Variants in MCM2 observed in about 807,000 individuals in gnomAD.
The protein encoded by MCM2 is minichromosome maintenance complex component 2.
In MCM2, 49 loss-of-function variants were observed where a neutral mutation model predicts 86.4. That is an observed-to-expected ratio of 0.57 (90% CI 0.45 to 0.72). MCM2 has a LOEUF of 0.72. Ranked by LOEUF, MCM2 falls within the 30% of genes least tolerant of loss-of-function variation. The pLI is 0.00. For missense variants in MCM2, 1,038 were observed against 1,259.9 expected (o/e 0.82, Z 2.67); for synonymous variants, 475 against 484.6 (o/e 0.98, Z 0.26).
chr3:127,607,664 G>A (rs1559863068), intron 6 of MCM2, among the ~76,000 whole-genome samples: 1 of 152,218 alleles, frequency 6.6e-6, no homozygotes, highest in African/African-American at 2.4e-5. Flanking sequence ...CCTGGTAGAG[G>A]GTTAACAGTT....
At chr3:127,612,239 G>A (rs151308475) in intron 8 of MCM2, among the ~76,000 whole-genome samples, 70 of 152,314 alleles carry the variant, frequency 4.6e-4, no homozygotes, top group African/African-American at 1.6e-3. Flanking sequence ...CCTGCCTTCC[G>A]TGGGCCCTGG....
intron 2 of MCM2, among the ~76,000 whole-genome samples, chr3:127,603,246 G>A (rs985209700): frequency 3.9e-5 from 6 of 152,054 alleles, no homozygotes; most frequent in Admixed American, 1.3e-4. Context: ...TGATCCGCCC[G>A]CCTCAGCCTC....
chr3:127,608,966 C>T lies in MCM2; in HGVS notation c.1371C>T (p.Thr457=), dbSNP rs142512970. Residue 457 remains threonine, a synonymous_variant, in exon 8 of 16, where the codon ACC becomes ACT. Coordinates refer to ENST00000265056, the MANE Select transcript of MCM2 (RefSeq NM_004526.4). ...KDNKVAVGEL[T]DEDVKMITSL... ...ACAAGGTTGCTGTAGGGGAACTGAC[C>T]GATGAAGATGTGAAGATGATCACTA... 59 of 1,613,956 alleles carry T rather than the reference C, an allele frequency of 3.7e-5. No individual in the cohort carries two copies. Among genetic ancestry groups the T allele is most frequent in the South Asian group, 9.9e-5 (9 of 91,076 alleles).
Position 127,619,190 on chromosome 3 carries a change from A to T in MCM2, c.2177A>T (p.Tyr726Phe). The change falls in exon 13 of 16, where the codon TAC (tyrosine) becomes TTC (phenylalanine). Residue 726 changes from tyrosine to phenylalanine, a missense_variant. Tyr to Phe is a conservative substitution (Grantham distance 22). Around this residue, in one of 4 missense-constraint regions of MCM2, gnomAD observed 336 missense variants for 425.7 expected, o/e 0.79. Coordinates refer to ENST00000265056, the MANE Select transcript of MCM2 (RefSeq NM_004526.4). ...PQEVLKKYII[Y>F]AKERVHPKLN... ...GAGGTCCTGAAGAAGTACATCATCT[A>T]CGCCAAGGAGAGGGTCCACCCGAAG... 4 of 1,614,170 alleles carry T rather than the reference A, an allele frequency of 2.5e-6. No individual in the cohort carries two copies. The highest frequency in any genetic ancestry group is 3.4e-6 in the Non-Finnish European group (4 of 1,180,038).
chr3:127,615,840 T>C lies in MCM2; in HGVS notation c.1429-22T>C, dbSNP rs747635370. ...CTGTGAGTATCTGTTCCCATTCTTGTCGGTCTCCCTCCCTTTCTCAGATCT... is the reference window on the plus strand; with the variant it reads ...CTGTGAGTATCTGTTCCCATTCTTGCCGGTCTCCCTCCCTTTCTCAGATCT... On this transcript the variant is annotated intron_variant, in intron 8 of 15. Coordinates refer to ENST00000265056, the MANE Select transcript of MCM2 (RefSeq NM_004526.4). The C allele has an allele frequency of 4.5e-6, 7 of 1,573,002 alleles. No homozygotes were observed. In the South Asian group the frequency reaches 5.5e-5, roughly 12 times the overall value.
At chr3:127,612,841 G>C (rs576511002) in intron 8 of MCM2, among the ~76,000 whole-genome samples, 1 of 152,164 alleles carries the variant, frequency 6.6e-6, no homozygotes, top group Non-Finnish European at 1.5e-5. Context: ...ATCTGGGGTC[G>C]AGTCTTGCCT....
rs769205577 is a variant in MCM2 at position 127,606,352 on chromosome 3, G to A, written c.893+15G>A. ...CGCTCGCTGAGGTGAGCTGAGGGCA[G>A]GTGAGGATGGCAGGTCCGAGCTCAG... is the stretch of plus-strand genomic sequence containing the variant. On this transcript the variant is annotated intron_variant, in intron 5 of 15. Transcript: ENST00000265056. This position sits in a 1 kb window ranked among gnomAD's most constrained non-coding sequence, Gnocchi z 4.2. 18 of 1,613,320 alleles carry A rather than the reference G, an allele frequency of 1.1e-5. No individual in the cohort carries two copies. Among genetic ancestry groups the A allele is most frequent in the Middle Eastern group, 1.7e-4 (1 of 6,026 alleles).
chr3:127,603,811 G>A (rs1559861131), intron 2 of MCM2, among the ~76,000 whole-genome samples: 2 of 152,130 alleles, frequency 1.3e-5, no homozygotes, highest in Non-Finnish European at 1.5e-5. Flanking sequence ...AGAGGCACAT[G>A]ACACTACGCC....
Position 127,606,546 on chromosome 3 carries a change from A to G in MCM2, c.894-64A>G, listed in dbSNP as rs1576413924. On this transcript the variant is annotated intron_variant, in intron 5 of 15. Transcript: ENST00000265056. The surrounding 1 kb of genome is among the most constrained non-coding windows in gnomAD (Gnocchi z 4.2). Reference sequence around the variant, plus strand: ...AATTTCCAGGACAGTGTGTTGGGACACTCTCGTCTGCAGCCTGGCCTCACC... The same window carrying G: ...AATTTCCAGGACAGTGTGTTGGGACGCTCTCGTCTGCAGCCTGGCCTCACC... 6 of 1,473,524 alleles carry G rather than the reference A, an allele frequency of 4.1e-6. No individual in the cohort carries two copies. Among genetic ancestry groups the G allele is most frequent in the Non-Finnish European group, 5.7e-6 (6 of 1,057,854 alleles). The allele number at this position is 1,473,524 out of a possible 1,614,324, so 91.3% of individuals were successfully genotyped here. A position where few individuals can be genotyped will look rare whatever the true frequency, so the allele number is the denominator to read the frequency against.
chr3:127,598,614 T>C (rs2074276355), intron 1 of MCM2, 142 bp downstream of exon 1: 3 of 1,198,476 alleles, frequency 2.5e-6, no homozygotes, highest in Non-Finnish European at 3.4e-6. Context: ...CTTTCTCGCC[T>C]GCACCCTGCG....
intron 2 of MCM2, among the ~76,000 whole-genome samples, chr3:127,602,805 G>A (rs1576411664): frequency 6.6e-6 from 1 of 152,214 alleles, no homozygotes; most frequent in Non-Finnish European, 1.5e-5. Context: ...CAGGACATCA[G>A]GTTGTTGAAG....
intron 6 of MCM2, 31 bp from the exon 7 acceptor site, chr3:127,608,351 T>G: frequency 6.2e-7 from 1 of 1,609,812 alleles, no homozygotes; most frequent in Non-Finnish European, 8.5e-7. Context: ...AGTAAGTCAG[T>G]GATTTGAGGC....
chr3:127,613,915 A>G (rs955637778), intron 8 of MCM2, among the ~76,000 whole-genome samples: 2 of 152,248 alleles, frequency 1.3e-5, no homozygotes, highest in African/African-American at 4.8e-5. Context: ...TTAAAGAGAC[A>G]GAGTGAGAGC....
intron 2 of MCM2, among the ~76,000 whole-genome samples, chr3:127,600,679 G>T (rs191734370): frequency 1.3e-5 from 2 of 152,030 alleles, no homozygotes; most frequent in African/African-American, 4.8e-5. Context: ...TCAGGGCATG[G>T]GTCCTAGACG....
Position 127,617,554 on chromosome 3 carries a change from G to C in MCM2, c.1900+149G>C. 9.9e-7 allele frequency: 1 copy of C among 1,011,472 alleles called. No homozygotes were observed. The highest frequency in any genetic ancestry group is 1.4e-6 in the Non-Finnish European group (1 of 712,292). The allele number at this position is 1,011,472 out of a possible 1,614,324, so 62.7% of individuals were successfully genotyped here. A position where few individuals can be genotyped will look rare whatever the true frequency, so the allele number is the denominator to read the frequency against. On this transcript the variant is annotated intron_variant, in intron 11 of 15. Transcript: ENST00000265056. This position sits in a 1 kb window ranked among gnomAD's most constrained non-coding sequence, Gnocchi z 4.1. Reference sequence around the variant, plus strand: ...CCCCTCTTCTGCATATCCTGCCAGAGTGGGGAACAGTGAAAGTGGGACCTG... The same window carrying C: ...CCCCTCTTCTGCATATCCTGCCAGACTGGGGAACAGTGAAAGTGGGACCTG...
intron 6 of MCM2, among the ~76,000 whole-genome samples, chr3:127,607,500 G>T (rs181447717): frequency 6.6e-6 from 1 of 152,226 alleles, no homozygotes; most frequent in East Asian, 1.9e-4. Context: ...TGCCTCAGAG[G>T]TTCCACCTGT....
chr3:127,608,428 G>A lies in MCM2; in HGVS notation c.1148G>A (p.Gly383Asp), dbSNP rs146752036. The A allele has an allele frequency of 6.2e-7, 1 of 1,614,244 alleles. No homozygotes were observed. The highest frequency in any genetic ancestry group is 8.5e-7 in the Non-Finnish European group (1 of 1,180,044). Residue 383 changes from glycine (G) to aspartate (D), a missense_variant, in exon 7 of 16, where the codon GGC becomes GAC. By Grantham distance (94) the Gly-to-Asp change is moderately conservative. Coordinates refer to ENST00000265056, the MANE Select transcript of MCM2 (RefSeq NM_004526.4). ...YQRIRIQESP[G>D]KVAAGRLPRS... The stretch of plus-strand genomic sequence containing the variant: ...CGTATCCGAATCCAGGAGAGTCCAG[G>A]CAAAGTGGCGGCTGGCCGGCTGCCC...
chr3:127,615,915 C>T lies in MCM2; in HGVS notation c.1482C>T (p.Gly494=), dbSNP rs2074429546. The T allele has an allele frequency of 6.2e-7, 1 of 1,614,194 alleles. No individual in the cohort carries two copies. Residue 494 remains glycine, a synonymous_variant, in exon 9 of 16, where the codon GGC becomes GGT. Transcript: ENST00000265056. The part of the protein sequence containing the change: ...SIYGHEDIKR[G]LALALFGGEP... ...ATGGTCATGAAGACATCAAGAGAGGCCTGGCTCTGGCCCTGTTCGGAGGGG... is the reference window on the plus strand; with the variant it reads ...ATGGTCATGAAGACATCAAGAGAGGTCTGGCTCTGGCCCTGTTCGGAGGGG...
At chr3:127,608,693 T>C in intron 7 of MCM2, 139 bp from the exon 8 acceptor site, 2 of 1,186,956 alleles carry the variant, frequency 1.7e-6, no homozygotes, top group South Asian at 2.8e-5. Flanking sequence ...AATGGTGGGT[T>C]TAGGAGGGGT....
Sources: gnomAD v4.1 joint callset for allele counts (sites outside exome capture counted in the v4.1 genomes callset) on GRCh38, gnomAD v4.1.1 for gene constraint, gnomAD v4.1.1 regional missense constraint, Gnocchi (gnomAD v3.1) non-coding constraint, MANE v1.5 for transcripts, NCBI Gene and HGNC (gene_info 2026-07-23, HGNC 2026-07-21) for gene names.